Variants in LRRC7 observed in about 807,000 individuals in gnomAD.
LRRC7 encodes the protein leucine-rich repeat-containing protein 7.
Under a neutral mutation model 175.7 loss-of-function variants are expected in LRRC7, and 23 were observed. That is an observed-to-expected ratio of 0.13 (90% CI 0.09 to 0.19). The LOEUF (loss-of-function observed/expected upper bound fraction) is 0.19. LRRC7 is among the 10% of genes least tolerant of loss of function. The pLI is 1.00. For synonymous variants in LRRC7, 685 were observed against 680.9 expected, an observed-to-expected ratio of 1.01 and a Z score of -0.09; for missense variants, 1,354 against 1,904.7, an observed-to-expected ratio of 0.71 and a Z score of 5.38.
At chr1:69,752,952 G>A (rs1365652092) in intron 2 of LRRC7, among the ~76,000 whole-genome samples, 1 of 152,058 alleles carries the variant, frequency 6.6e-6, no homozygotes, top group East Asian at 1.9e-4. Context: ...TTTTGGCTGT[G>A]TGCAGACATG....
At chr1:69,841,739 G>A (rs1269238736) in intron 7 of LRRC7, among the ~76,000 whole-genome samples, 1 of 152,054 alleles carries the variant, frequency 6.6e-6, no homozygotes, top group Non-Finnish European at 1.5e-5. Context: ...GGTCACTGCG[G>A]ACTCTCCAGT....
chr1:69,819,436 T>A (rs1678977034), intron 4 of LRRC7, among the ~76,000 whole-genome samples: 1 of 152,108 alleles, frequency 6.6e-6, no homozygotes, highest in Admixed American at 6.6e-5. Context: ...ATACTTGATA[T>A]TATTTCAGTC....
chr1:69,763,918 T>C (rs1259329413), intron 3 of LRRC7, among the ~76,000 whole-genome samples: 2 of 152,062 alleles, frequency 1.3e-5, no homozygotes, highest in African/African-American at 4.8e-5. Flanking sequence ...ATCTATTCTT[T>C]GCTTTCTGAT....
At chr1:69,774,016 T>A (rs1672535868) in intron 3 of LRRC7, among the ~76,000 whole-genome samples, 1 of 152,130 alleles carries the variant, frequency 6.6e-6, no homozygotes, top group Non-Finnish European at 1.5e-5. Context: ...CTGATTTTAC[T>A]GGATTGGCCA....
chr1:69,977,807 A>G (rs1399850851), intron 8 of LRRC7, among the ~76,000 whole-genome samples: 1 of 152,200 alleles, frequency 6.6e-6, no homozygotes, highest in East Asian at 1.9e-4. Flanking sequence ...CTGGACATAC[A>G]GTAGTAGGAA....
At chr1:70,007,957 A>G (rs1044703851) in intron 11 of LRRC7, among the ~76,000 whole-genome samples, 2 of 152,104 alleles carry the variant, frequency 1.3e-5, no homozygotes, top group Non-Finnish European at 2.9e-5. Context: ...GTTAGATTCA[A>G]ATTTATTTGT....
chr1:69,636,167 G>GA (rs1294177127), intron 1 of LRRC7, among the ~76,000 whole-genome samples: 1 of 151,964 alleles, frequency 6.6e-6, no homozygotes, highest in African/African-American at 2.4e-5. Flanking sequence ...TATATTTCTT[G>GA]AAAAAAGAAT....
Position 70,039,009 on chromosome 1 carries a change from C to T in LRRC7, c.3185C>T (p.Thr1062Ile), listed in dbSNP as rs757564241. The T allele has an allele frequency of 6.8e-6, 11 of 1,613,688 alleles. No individual in the cohort carries two copies. The highest frequency in any genetic ancestry group is 9.3e-6 in the Non-Finnish European group (11 of 1,179,884). Reference sequence around the variant, plus strand: ...CCACAACAACAAAAAGCTTCTATGACAAAAAAAGTCTATCAGTTTGACCAA... The same window carrying T: ...CCACAACAACAAAAAGCTTCTATGATAAAAAAAGTCTATCAGTTTGACCAA... ...KGPQQQKASM[T>I]KKVYQFDQSF... Residue 1062 changes from threonine to isoleucine, a missense_variant, in exon 21 of 27, where the codon ACA (threonine) becomes ATA (isoleucine). This residue lies in a region of LRRC7 where 1,032 missense variants were observed against 1,227.2 expected (regional missense o/e 0.84). Coordinates refer to ENST00000651989, the MANE Select transcript of LRRC7 (RefSeq NM_001370785.2).
intron 11 of LRRC7, among the ~76,000 whole-genome samples, chr1:69,997,681 C>A (rs1655126642): frequency 6.7e-6 from 1 of 149,436 alleles, no homozygotes; most frequent in Non-Finnish European, 1.5e-5. Flanking sequence ...GTCTTTGGTT[C>A]TGTTTATATG....
chr1:69,958,752 A>T (rs1413227750), intron 8 of LRRC7, among the ~76,000 whole-genome samples: 1 of 152,060 alleles, frequency 6.6e-6, no homozygotes, highest in Non-Finnish European at 1.5e-5. Context: ...CTAAATTCAG[A>T]CTAATTGTAT....
chr1:69,634,241 G>A (rs1429006546), intron 1 of LRRC7, among the ~76,000 whole-genome samples: 1 of 151,932 alleles, frequency 6.6e-6, no homozygotes, highest in East Asian at 1.9e-4. Context: ...GATTTGTTAA[G>A]GTCACAAGAG....
chr1:70,010,094 T>G (rs997864272), intron 11 of LRRC7, among the ~76,000 whole-genome samples: 23 of 152,200 alleles, frequency 1.5e-4, no homozygotes, highest in African/African-American at 5.3e-4. Flanking sequence ...ATCTGCTTTG[T>G]TTTTTGAGCT....
rs115645520 is a variant in LRRC7 at position 70,112,433 on chromosome 1, G to C, written c.4620+4607G>C. Among the ~76,000 whole-genome samples, 438 of 152,286 alleles carry C rather than the reference G, an allele frequency of 2.9e-3. 2 individuals are homozygous for C. Among genetic ancestry groups the C allele is most frequent in the African/African-American group, 0.01 (416 of 41,564 alleles). The stretch of plus-strand genomic sequence containing the variant: ...AAGCCCCTTAATAGGTAGGAGGGAA[G>C]TCATGTGTCCTAAGGGAGCTAATAG... On this transcript the variant is annotated intron_variant, in intron 26 of 26. Transcript: ENST00000651989.
intron 1 of LRRC7, among the ~76,000 whole-genome samples, chr1:69,583,114 T>C (rs1646266133): frequency 6.6e-6 from 1 of 151,962 alleles, no homozygotes; most frequent in African/African-American, 2.4e-5. Flanking sequence ...GGAGGATTTA[T>C]GGAGCATTTT....
intron 8 of LRRC7, among the ~76,000 whole-genome samples, chr1:69,958,969 TTG>T (rs1453109289): frequency 1.3e-5 from 2 of 152,032 alleles, no homozygotes; most frequent in Non-Finnish European, 2.9e-5. Context: ...CTATTATTGT[TTG>T]TGTTTGTTTC....
At chr1:69,949,185 C>T (rs2101817630) in intron 8 of LRRC7, among the ~76,000 whole-genome samples, 1 of 152,032 alleles carries the variant, frequency 6.6e-6, no homozygotes, top group South Asian at 2.1e-4. Flanking sequence ...ATCTCCCAGT[C>T]CCACCCCCCA....
At chr1:69,665,257 CT>C (rs1206872230) in intron 1 of LRRC7, among the ~76,000 whole-genome samples, 1 of 151,998 alleles carries the variant, frequency 6.6e-6, no homozygotes, top group East Asian at 1.9e-4. Context: ...CAGTTTCCTT[CT>C]TTTGCTCAGG....
chr1:69,844,254 A>G (rs2101405005), intron 7 of LRRC7, among the ~76,000 whole-genome samples: 1 of 152,218 alleles, frequency 6.6e-6, no homozygotes, highest in South Asian at 2.1e-4. Flanking sequence ...AGCATACAGT[A>G]CAGTATTGTT....
intron 7 of LRRC7, among the ~76,000 whole-genome samples, chr1:69,842,861 G>A (rs1364721600): frequency 6.6e-6 from 1 of 152,052 alleles, no homozygotes; most frequent in African/African-American, 2.4e-5. Flanking sequence ...TTTTCACCTA[G>A]AAGTAGACTA....
Sources: allele counts gnomAD v4.1 joint callset (sites outside exome capture counted in the v4.1 genomes callset), GRCh38; gene constraint gnomAD v4.1.1; regional missense constraint gnomAD v4.1.1; transcripts MANE v1.5; gene names NCBI Gene and HGNC (gene_info 2026-07-23, HGNC 2026-07-21).